The following LIMCH1 variants were observed in gnomAD, a reference collection of about 807,000 sequenced individuals.
LIMCH1 encodes the protein LIM and calponin homology domains-containing protein 1.
A neutral mutation model predicts 176.5 loss-of-function variants in LIMCH1; 113 were observed. The ratio of observed to expected loss-of-function variants is 0.64; its 90% CI spans 0.55 to 0.75. The LOEUF is 0.75. Ranked by LOEUF, LIMCH1 falls within the 30% of genes least tolerant of loss-of-function variation. The probability of loss-of-function intolerance (pLI) is 0.00; values close to 1 mark genes in which losing one functional copy is unlikely to be tolerated. For missense variants in LIMCH1, 1,674 were observed against 1,814.9 expected (o/e 0.92, Z 1.41); for synonymous variants, 619 against 645.9 (o/e 0.96, Z 0.63).
At chr4:41,565,443 GATAA>G (rs1414991612) in intron 1 of LIMCH1, among the ~76,000 whole-genome samples, 3 of 145,710 alleles carry the variant, frequency 2.1e-5, no homozygotes, top group Admixed American at 6.9e-5. Flanking sequence ...ATAAATATAT[GATAA>G]ATATATATAT....
chr4:41,433,194 A>C (rs1228285470), intron 1 of LIMCH1, among the ~76,000 whole-genome samples: 4 of 152,370 alleles, frequency 2.6e-5, no homozygotes, highest in South Asian at 4.1e-4. Context: ...AACAAAGCAC[A>C]ACAAAACCCT....
At chr4:41,535,645 G>A (rs1171603778), upstream of LIMCH1, among the ~76,000 whole-genome samples, 1 of 152,156 alleles carries the variant, frequency 6.6e-6, no homozygotes, top group Non-Finnish European at 1.5e-5. Flanking sequence ...TTCAAGATAC[G>A]AATTGGGGGA....
intron 1 of LIMCH1, among the ~76,000 whole-genome samples, chr4:41,557,560 G>GTGTGTGTA (rs1369371537): frequency 6.6e-6 from 1 of 152,032 alleles, no homozygotes; most frequent in Non-Finnish European, 1.5e-5. Flanking sequence ...GTGTGTGTGT[G>GTGTGTGTA]TGTGTGTGTG....
chr4:41,563,554 A>G (rs1311592221), intron 1 of LIMCH1, among the ~76,000 whole-genome samples: 2 of 152,220 alleles, frequency 1.3e-5, no homozygotes, highest in Non-Finnish European at 2.9e-5. Context: ...GCTAAAAAGT[A>G]GAGCAAATTT....
chr4:41,499,085 A>G (rs1342393312), intron 2 of LIMCH1, among the ~76,000 whole-genome samples: 1 of 152,218 alleles, frequency 6.6e-6, no homozygotes, highest in Non-Finnish European at 1.5e-5. Flanking sequence ...AAGTTAAGAA[A>G]TTGAGTTTGG....
At chr4:41,522,516 A>G (rs2076222684) in intron 2 of LIMCH1, among the ~76,000 whole-genome samples, 1 of 152,186 alleles carries the variant, frequency 6.6e-6, no homozygotes, top group Non-Finnish European at 1.5e-5. Context: ...TTATCTTAAA[A>G]TTCAGTTTAA....
intron 1 of LIMCH1, among the ~76,000 whole-genome samples, chr4:41,374,208 G>A (rs2054391843): frequency 1.3e-5 from 2 of 152,170 alleles, no homozygotes; most frequent in Admixed American, 1.3e-4. Flanking sequence ...AGAGCTGGGG[G>A]CAGGAGGGTA....
intron 1 of LIMCH1, among the ~76,000 whole-genome samples, chr4:41,482,460 T>C (rs2068813501): frequency 2.6e-5 from 4 of 151,796 alleles, no homozygotes; most frequent in Admixed American, 2.6e-4. Flanking sequence ...GAGAAGGAAA[T>C]CAGGAATGTC....
At position 41,564,966 on chromosome 4, in the gene LIMCH1, C is replaced by T. The variant is rs1019973127; in HGVS notation, c.-241+26616C>T. ...ATGATTGTAAGTTTCCTGAGGCCTC[C>T]CCAGACAGCCCTACAGAACTGTAAG... On this transcript the variant is annotated intron_variant, in intron 1 of 31. Transcript: ENST00000503057. Among the ~76,000 whole-genome samples, 3 of 152,136 alleles carry T rather than the reference C, an allele frequency of 2.0e-5. No individual in the cohort carries two copies. The East Asian group carries it at 5.8e-4, about 29-fold the overall frequency.
At chr4:41,543,502 A>G (rs985149693) in intron 1 of LIMCH1, among the ~76,000 whole-genome samples, 6 of 152,160 alleles carry the variant, frequency 3.9e-5, no homozygotes, top group Non-Finnish European at 8.8e-5. Context: ...TTCGGCCCAT[A>G]TTGCACCAAA....
chr4:41,467,302 C>G (rs1305257664), intron 1 of LIMCH1, among the ~76,000 whole-genome samples: 1 of 152,070 alleles, frequency 6.6e-6, no homozygotes. Context: ...GTGCAAGTAT[C>G]TCTTTGAGTC....
intron 1 of LIMCH1, among the ~76,000 whole-genome samples, chr4:41,561,711 A>G (rs2082087892): frequency 6.6e-6 from 1 of 152,204 alleles, no homozygotes; most frequent in African/African-American, 2.4e-5. Flanking sequence ...ATATTCTGCA[A>G]AAATTCCACT....
upstream of LIMCH1, among the ~76,000 whole-genome samples, chr4:41,536,434 C>G (rs1021801241): frequency 6.6e-6 from 1 of 152,142 alleles, no homozygotes; most frequent in African/African-American, 2.4e-5. Flanking sequence ...CTCTCTGTCG[C>G]TCTGTCCACA....
chr4:41,690,816 C>A (rs1247106174), intron 30 of LIMCH1, among the ~76,000 whole-genome samples: 1 of 152,028 alleles, frequency 6.6e-6, no homozygotes, highest in Non-Finnish European at 1.5e-5. Flanking sequence ...AGAATGAGAC[C>A]AGAGTTTCCT....
intron 1 of LIMCH1, among the ~76,000 whole-genome samples, chr4:41,475,063 C>T (rs1394190265): frequency 6.6e-6 from 1 of 152,086 alleles, no homozygotes; most frequent in Non-Finnish European, 1.5e-5. Flanking sequence ...ATAAACCAGG[C>T]ACCAAGAGAC....
intron 1 of LIMCH1, among the ~76,000 whole-genome samples, chr4:41,400,306 G>T (rs558439421): frequency 3.9e-5 from 6 of 152,234 alleles, no homozygotes; most frequent in Admixed American, 1.3e-4. Flanking sequence ...GTGTCATGGG[G>T]TACCTTGGAA....
chr4:41,360,285 G>A (rs1193924656), upstream of LIMCH1, among the ~76,000 whole-genome samples: 1 of 152,088 alleles, frequency 6.6e-6, no homozygotes, highest in East Asian at 1.9e-4. This position sits in a 1 kb window ranked among gnomAD's most constrained non-coding sequence, Gnocchi z 4.5. Context: ...CTGCGGCCAG[G>A]AAGGACTGCA....
intron 1 of LIMCH1, among the ~76,000 whole-genome samples, chr4:41,581,480 C>T (rs1369522637): frequency 1.3e-5 from 2 of 152,134 alleles, no homozygotes; most frequent in East Asian, 1.9e-4. Flanking sequence ...CCCAATTCTA[C>T]TCTCTGCTTC....
intron 1 of LIMCH1, among the ~76,000 whole-genome samples, chr4:41,393,064 T>G (rs986590205): frequency 6.6e-6 from 1 of 152,150 alleles, no homozygotes; most frequent in Non-Finnish European, 1.5e-5. Flanking sequence ...ATATCTTTTA[T>G]TTTTTGGTCG....
Sources: gnomAD v4.1 joint callset for allele counts (sites outside exome capture counted in the v4.1 genomes callset) on GRCh38, gnomAD v4.1.1 for gene constraint, Gnocchi (gnomAD v3.1) non-coding constraint, MANE v1.5 for transcripts, NCBI Gene and HGNC (gene_info 2026-07-23, HGNC 2026-07-21) for gene names.